MARF1: variants seen among roughly 807,000 people sequenced by gnomAD.
MARF1 encodes limkain-b1.
In MARF1, 24 loss-of-function variants were observed where a neutral mutation model predicts 168.2. The observed-to-expected ratio is 0.14, with a 90% CI of 0.10 to 0.20. The LOEUF (loss-of-function observed/expected upper bound fraction) is 0.20, where lower values mean the gene tolerates loss of function less well. Among genes scored for constraint, MARF1 ranks in the 10% least tolerant of loss-of-function variants. The probability of loss-of-function intolerance (pLI) is 1.00; values close to 1 mark genes in which losing one functional copy is unlikely to be tolerated. For synonymous variants in MARF1, 868 were observed against 822.4 expected (o/e 1.06, Z -0.95); for missense variants, 1,744 against 2,143.6 (o/e 0.81, Z 3.68).
intron 16 of MARF1, among the ~76,000 whole-genome samples, chr16:15,613,308 A>C (rs1164634360): frequency 6.6e-6 from 1 of 152,164 alleles, no homozygotes; most frequent in Non-Finnish European, 1.5e-5. Flanking sequence ...TTGACTGCTT[A>C]TACCTATTAA....
chr16:15,619,950 G>C (rs777897137), intron 13 of MARF1, among the ~76,000 whole-genome samples: 2 of 152,160 alleles, frequency 1.3e-5, no homozygotes, highest in Non-Finnish European at 2.9e-5. Context: ...GATCACTTGA[G>C]GTCAGGAGTT....
At chr16:15,639,331 A>AT in intron 1 of MARF1, 40 bp from the exon 2 acceptor site, 1 of 1,353,674 alleles carries the variant, frequency 7.4e-7, no homozygotes, top group East Asian at 2.3e-5. Context: ...ATTTCCTTGC[A>AT]TAAGTACAAA....
chr16:15,598,224 C>T (rs1439659710), intron 26 of MARF1, among the ~76,000 whole-genome samples: 16 of 152,224 alleles, frequency 1.1e-4, no homozygotes, highest in East Asian at 9.6e-4. Context: ...TCTCTAGTGA[C>T]GGCACCAGCT....
intron 20 of MARF1, 90 bp downstream of exon 20, chr16:15,609,433 T>G: frequency 9.3e-7 from 1 of 1,076,610 alleles, no homozygotes; most frequent in Non-Finnish European, 1.4e-6. Flanking sequence ...AACTCCCTAC[T>G]TCCCAGAAAA....
chr16:15,630,452 GA>G lies in MARF1; in HGVS notation c.1403del (p.Phe468SerfsTer22). On this transcript the variant is annotated frameshift_variant, in exon 7 of 27. Transcript: ENST00000396368. LOFTEE classifies it high-confidence loss of function. ...GGTTTTTATGGACCAAAATAATGTGGAAACCATGCCTGTGTCTCAGGTCACT... is the reference window on the plus strand; with the variant it reads ...GGTTTTTATGGACCAAAATAATGTGGAACCATGCCTGTGTCTCAGGTCACT... ...ELSDLRHRHGFHIILVHKNQA... is the reference protein window; with the variant it reads ...ELSDLRHRHGXHIILVHKNQA... The G allele has an allele frequency of 6.2e-7, 1 of 1,613,880 alleles. No homozygotes were observed. The highest frequency in any genetic ancestry group is 8.5e-7 in the Non-Finnish European group (1 of 1,179,918).
At chr16:15,614,630 G>GA (rs1331620098) in intron 16 of MARF1, among the ~76,000 whole-genome samples, 1,201 of 105,018 alleles carry the variant, frequency 0.011, 10 homozygotes, top group African/African-American at 0.035. Flanking sequence ...TAAAAATACA[G>GA]AAAAAAAAAA....
chr16:15,609,108 G>A (rs546687560), intron 20 of MARF1, among the ~76,000 whole-genome samples: 3 of 152,154 alleles, frequency 2.0e-5, no homozygotes, highest in South Asian at 2.1e-4. Flanking sequence ...GCATGGTGGC[G>A]GGCACCTGTA....
At chr16:15,612,458 C>T in intron 17 of MARF1, 99 bp downstream of exon 17, 1 of 1,061,762 alleles carries the variant, frequency 9.4e-7, no homozygotes. Context: ...CTGCCCAGAA[C>T]TGACTTCTTA....
In MARF1 at chr16:15,596,635, T is replaced by G; in HGVS notation, c.*58A>C. 6.8e-7 allele frequency: 1 copy of G among 1,475,938 alleles called. No homozygotes were observed. Among genetic ancestry groups the G allele is most frequent in the Non-Finnish European group, 9.0e-7 (1 of 1,107,808 alleles). 91.4% of individuals were successfully genotyped at this position (1,475,938 alleles called of 1,614,324 possible). A position where few individuals can be genotyped will look rare whatever the true frequency, so the allele number is the denominator to read the frequency against. ...AAAAGGATGTATTTTTGAAACCCAC[T>G]TTTGTGTGCAGAATCAGACAGTGTT... On this transcript the variant is annotated 3_prime_UTR_variant, in exon 27 of 27. Transcript: ENST00000396368.
At chr16:15,620,564 C>T (rs1271044030) in intron 12 of MARF1, 33 bp from the exon 13 acceptor site, 6 of 1,335,472 alleles carry the variant, frequency 4.5e-6, no homozygotes, top group Middle Eastern at 1.8e-4. Flanking sequence ...GGGAACAGAC[C>T]ATTTCCTCCA....
At position 15,610,943 on chromosome 16, in the gene MARF1, A is replaced by G. The variant is rs781708615; in HGVS notation, c.3751+32T>C. ...TATGTTAAAATAACAGGAGATAGAC[A>G]ATATCCTTCCAGCAAATGTTAAGTC... On this transcript the variant is annotated intron_variant, in intron 19 of 26. Coordinates refer to ENST00000396368, the MANE Select transcript of MARF1 (RefSeq NM_014647.4). 3 of 1,604,446 alleles carry G rather than the reference A, an allele frequency of 1.9e-6. No homozygotes were observed. In the African/African-American group the frequency reaches 4.0e-5, roughly 21 times the overall value.
intron 13 of MARF1, 50 bp downstream of exon 13, chr16:15,620,401 A>G (rs368954776): frequency 8.8e-7 from 1 of 1,132,938 alleles, no homozygotes; most frequent in East Asian, 2.4e-5. Context: ...TTGTGCATGT[A>G]AGCCACCAAT....
chr16:15,601,592 G>C (rs2032435616), intron 23 of MARF1: 3 of 290,490 alleles, frequency 1.0e-5, no homozygotes, highest in Middle Eastern at 1.1e-3. Flanking sequence ...TCCCCTCCTT[G>C]TCACGTGCTT....
chr16:15,616,103 T>C, intron 15 of MARF1, 98 bp from the exon 16 acceptor site: 5 of 1,032,074 alleles, frequency 4.8e-6, no homozygotes, highest in Non-Finnish European at 6.6e-6. Context: ...AATGTATGTG[T>C]TAATCATTTG....
Position 15,598,893 on chromosome 16 carries a change from C to G in MARF1, c.4945G>C (p.Asp1649His). 1 of 1,614,060 alleles carries G rather than the reference C, an allele frequency of 6.2e-7. No homozygotes were observed. The highest frequency in any genetic ancestry group is 8.5e-7 in the Non-Finnish European group (1 of 1,180,010). Residue 1649 changes from aspartate (D) to histidine (H), a missense_variant, in exon 26 of 27, where the codon GAT (aspartate) becomes CAT (histidine). Transcript: ENST00000396368. ...GGGCGCTCCTCAAACTGAATGAGAT[C>G]AGCAGATTGGAGGATAACGGGGTCT... ...RPDPVILQSA[D>H]LIQFEERPQE...
chr16:15,608,280 AAAAC>A lies in MARF1; in HGVS notation c.4182+7_4182+10del, dbSNP rs79940556. Reference sequence around the variant, plus strand: ...TGAGGGAAAAAAAAAAAAAAAAAAAAAAACATTTACCTTCACGACATGGCAGAGT... The same window carrying A: ...TGAGGGAAAAAAAAAAAAAAAAAAAAATTTACCTTCACGACATGGCAGAGT... On this transcript the variant is annotated splice_region_variant and intron_variant, in intron 21 of 26. Transcript: ENST00000396368. 6.0e-6 allele frequency: 9 copies of A among 1,500,942 alleles called. No individual in the cohort carries two copies. Among genetic ancestry groups the A allele is most frequent in the Admixed American group, 2.1e-5 (1 of 47,756 alleles). The allele number at this position is 1,500,942 out of a possible 1,614,324, so 93.0% of individuals were successfully genotyped here.
chr16:15,597,760 G>A (rs1174132989), intron 26 of MARF1, among the ~76,000 whole-genome samples: 1 of 152,148 alleles, frequency 6.6e-6, no homozygotes. Flanking sequence ...GGTGCATGCA[G>A]TTGAACTTGC....
At chr16:15,625,848 CA>C (rs2034805079) in intron 7 of MARF1, 48 bp from the exon 8 acceptor site, 3 of 1,462,024 alleles carry the variant, frequency 2.1e-6, no homozygotes, top group Non-Finnish European at 2.8e-6. Flanking sequence ...CAAGGGCACA[CA>C]TTCAATTTCA....
At chr16:15,630,961 T>C (rs562778529) in intron 6 of MARF1, among the ~76,000 whole-genome samples, 25 of 152,116 alleles carry the variant, frequency 1.6e-4, no homozygotes, top group African/African-American at 5.8e-4. Flanking sequence ...GAAACCCCCA[T>C]CTCTACTAAA....
Sources: gnomAD v4.1 joint callset for allele counts (sites outside exome capture counted in the v4.1 genomes callset) on GRCh38, gnomAD v4.1.1 for gene constraint, MANE v1.5 for transcripts, NCBI Gene and HGNC (gene_info 2026-07-23, HGNC 2026-07-21) for gene names.